CEP63: variants seen among roughly 807,000 people sequenced by gnomAD.
CEP63 encodes centrosomal protein of 63 kDa.
A neutral mutation model predicts 89.1 loss-of-function variants in CEP63; 84 were observed. The observed-to-expected ratio is 0.94, with a 90% confidence interval of 0.79 to 1.13. The LOEUF (loss-of-function observed/expected upper bound fraction) is 1.13, where lower values mean the gene tolerates loss of function less well. Among genes scored for constraint, CEP63 ranks in the 50% most tolerant of loss-of-function variants. The pLI is 0.00. For synonymous variants in CEP63, 267 were observed against 272.5 expected, an observed-to-expected ratio of 0.98 and a Z score of 0.20; for missense variants, 838 against 813.3, an observed-to-expected ratio of 1.03 and a Z score of -0.37.
chr3:134,782,401 A>T, the CEP63 span, among the ~76,000 whole-genome samples: 1 of 152,152 alleles, frequency 6.6e-6, no homozygotes, highest in Non-Finnish European at 1.5e-5. Flanking sequence ...TTTATTGTGA[A>T]TCAGGTTTGA....
chr3:134,486,130 C>T lies in CEP63; in HGVS notation c.-98C>T, dbSNP rs1443075763. ...TTATTAAAAGTGTGGGGGCAGTGGG[C>T]GGAACAAACGCGCCGACTACAGAGG... On this transcript the variant is annotated 5_prime_UTR_variant, in exon 1 of 15. Coordinates refer to ENST00000675561, the MANE Select transcript of CEP63 (RefSeq NM_001353108.3). The T allele has an allele frequency of 5.1e-6, 5 of 985,444 alleles. No homozygotes were observed. In the Admixed American group the frequency reaches 1.8e-4, roughly 36 times the overall value. The allele number at this position is 985,444 out of a possible 1,614,324, so 61.0% of individuals were successfully genotyped here. A position where few individuals can be genotyped will look rare whatever the true frequency, so the allele number is the denominator to read the frequency against.
chr3:134,722,845 T>C, the CEP63 span, among the ~76,000 whole-genome samples: 1 of 152,194 alleles, frequency 6.6e-6, no homozygotes. Flanking sequence ...TGCTCAGCTG[T>C]GTATCTCTGC....
At chr3:134,723,191 C>T in the CEP63 span, among the ~76,000 whole-genome samples, 1 of 152,194 alleles carries the variant, frequency 6.6e-6, no homozygotes, top group Non-Finnish European at 1.5e-5. Context: ...TGTGTCCACA[C>T]CCTTGGCATA....
At chr3:134,634,202 A>C in the CEP63 span, among the ~76,000 whole-genome samples, 1 of 152,242 alleles carries the variant, frequency 6.6e-6, no homozygotes, top group Admixed American at 6.5e-5. Context: ...TGATCTACAG[A>C]TTTAATGCAA....
At chr3:134,758,135 C>A in the CEP63 span, among the ~76,000 whole-genome samples, 1 of 152,072 alleles carries the variant, frequency 6.6e-6, no homozygotes, top group African/African-American at 2.4e-5. Context: ...GTATTTGAAG[C>A]CTGGCTTGTA....
At chr3:134,739,752 G>A in the CEP63 span, among the ~76,000 whole-genome samples, 1 of 150,330 alleles carries the variant, frequency 6.7e-6, no homozygotes. Context: ...TGATTCATGA[G>A]AATGGTATAC....
In CEP63 at chr3:134,558,036, G is replaced by C. The variant is rs1296583125; in HGVS notation, c.1468-106G>C. The C allele has an allele frequency of 3.2e-6, 3 of 938,220 alleles. No individual in the cohort carries two copies. The South Asian group carries it at 4.1e-5, about 13-fold the overall frequency. The allele number at this position is 938,220 out of a possible 1,614,324, so 58.1% of individuals were successfully genotyped here. ...AAAACAAAGCTTCATTAAAGCCATA[G>C]ATTAACTACTTACAACTAAAAAACA... is the stretch of plus-strand genomic sequence containing the variant. On this transcript the variant is annotated intron_variant, in intron 12 of 14. Transcript: ENST00000675561.
chr3:134,767,215 G>T, the CEP63 span, among the ~76,000 whole-genome samples: 92 of 152,290 alleles, frequency 6.0e-4, no homozygotes, highest in African/African-American at 2.1e-3. Flanking sequence ...GCCACTAGGT[G>T]CCCAGGTCCA....
chr3:134,744,401 G>A, the CEP63 span, among the ~76,000 whole-genome samples: 1 of 152,184 alleles, frequency 6.6e-6, no homozygotes, highest in Non-Finnish European at 1.5e-5. Flanking sequence ...CCAACTGAAA[G>A]AATTGTGTCT....
chr3:134,756,775 C>G, the CEP63 span, among the ~76,000 whole-genome samples: 1 of 152,128 alleles, frequency 6.6e-6, no homozygotes, highest in East Asian at 1.9e-4. Context: ...ACCAGTCCTG[C>G]CCTGACAGGC....
chr3:134,680,229 C>T, the CEP63 span, among the ~76,000 whole-genome samples: 1 of 152,184 alleles, frequency 6.6e-6, no homozygotes, highest in South Asian at 2.1e-4. Flanking sequence ...TGAAGCCACT[C>T]AGCCTGTGAT....
the CEP63 span, chr3:134,610,665 A>G: frequency 5.7e-5 from 20 of 348,776 alleles, no homozygotes; most frequent in South Asian, 5.7e-4. Context: ...CACTTCTGAA[A>G]TGTTCATCCC....
the CEP63 span, among the ~76,000 whole-genome samples, chr3:134,765,987 A>T: frequency 2.6e-5 from 4 of 152,182 alleles, no homozygotes; most frequent in Non-Finnish European, 5.9e-5. Flanking sequence ...CATTGTATTT[A>T]TAGGGGTCAG....
the CEP63 span, among the ~76,000 whole-genome samples, chr3:134,694,858 A>G: frequency 2.0e-5 from 3 of 152,212 alleles, no homozygotes; most frequent in African/African-American, 7.2e-5. Context: ...TGGTTGCCAC[A>G]GATAGAGAAC....
the CEP63 span, chr3:134,604,593 T>C: frequency 1.2e-6 from 1 of 828,388 alleles, no homozygotes; most frequent in Non-Finnish European, 1.9e-6. Context: ...CTTGTCTATT[T>C]CCACGGTGTT....
chr3:134,615,129 C>T, the CEP63 span: 1 of 152,230 alleles, frequency 6.6e-6, no homozygotes, highest in Non-Finnish European at 1.5e-5. Flanking sequence ...TTCTTACACA[C>T]TACCCTTACA....
At chr3:134,753,402 A>G in the CEP63 span, among the ~76,000 whole-genome samples, 2 of 152,162 alleles carry the variant, frequency 1.3e-5, no homozygotes, top group Non-Finnish European at 2.9e-5. Flanking sequence ...TATGGGCCGA[A>G]AGTGCACAAA....
chr3:134,741,097 C>A, the CEP63 span, among the ~76,000 whole-genome samples: 1 of 152,116 alleles, frequency 6.6e-6, no homozygotes, highest in African/African-American at 2.4e-5. Flanking sequence ...ATTCAAAACG[C>A]TCTCAACAGA....
intron 13 of CEP63, 136 bp downstream of exon 13, chr3:134,558,483 A>G (rs1956709992): frequency 1.4e-6 from 1 of 703,212 alleles, no homozygotes; most frequent in Non-Finnish European, 2.5e-6. Flanking sequence ...TATAGTGTGC[A>G]CAAGTAAAGC....
Sources: allele counts gnomAD v4.1 joint callset (sites outside exome capture counted in the v4.1 genomes callset), GRCh38; gene constraint gnomAD v4.1.1; transcripts MANE v1.5; gene names NCBI Gene and HGNC (gene_info 2026-07-23, HGNC 2026-07-21).